Variants in FRMD4A observed in about 807,000 individuals in gnomAD.
FRMD4A encodes FERM domain containing 4A.
FRMD4A carries 29 observed loss-of-function variants against 129.1 expected under a neutral mutation model. The ratio of observed to expected loss-of-function variants is 0.22; its 90% CI spans 0.17 to 0.31. The LOEUF is 0.31. FRMD4A is among the 10% of genes least tolerant of loss of function. FRMD4A has a pLI of 1.00. For missense variants in FRMD4A, 1,272 were observed against 1,375.8 expected (o/e 0.92, Z 1.19); for synonymous variants, 634 against 571.6 (o/e 1.11, Z -1.56).
intron 12 of FRMD4A, among the ~76,000 whole-genome samples, chr10:13,727,099 G>A (rs773884766): frequency 6.6e-5 from 10 of 151,666 alleles, no homozygotes; most frequent in African/African-American, 2.2e-4. Flanking sequence ...ACGGGGCTTC[G>A]CTATGTTGGC....
intron 2 of FRMD4A, among the ~76,000 whole-genome samples, chr10:14,194,406 C>G (rs970044826): frequency 1.3e-5 from 2 of 152,106 alleles, no homozygotes; most frequent in African/African-American, 2.4e-5. Flanking sequence ...GTCAGGAGAT[C>G]GAGACCATCC....
chr10:14,168,477 G>T (rs1392462872), intron 2 of FRMD4A, among the ~76,000 whole-genome samples: 1 of 152,158 alleles, frequency 6.6e-6, no homozygotes, highest in Non-Finnish European at 1.5e-5. Flanking sequence ...CTCTTCAAAG[G>T]AATCTGTTTC....
chr10:13,826,940 A>C (rs915380884), intron 3 of FRMD4A, among the ~76,000 whole-genome samples: 2 of 152,212 alleles, frequency 1.3e-5, no homozygotes, highest in African/African-American at 4.8e-5. Context: ...TCGGGTCCAA[A>C]GAAAACTTGA....
intron 6 of FRMD4A, among the ~76,000 whole-genome samples, chr10:13,764,885 G>A (rs2092224305): frequency 6.6e-6 from 1 of 152,162 alleles, no homozygotes; most frequent in African/African-American, 2.4e-5. Context: ...AAGGGACTTT[G>A]CAAAACCACA....
At chr10:13,833,812 T>A (rs1261426669) in intron 3 of FRMD4A, among the ~76,000 whole-genome samples, 3 of 152,088 alleles carry the variant, frequency 2.0e-5, no homozygotes. Context: ...CATTCCCATA[T>A]TAAAGGTCAC....
At position 14,211,285 on chromosome 10, in the gene FRMD4A, T is replaced by A. The variant is rs573401489; in HGVS notation, c.45+118773A>T. Among the ~76,000 whole-genome samples, 22 of 152,292 alleles carry A rather than the reference T, an allele frequency of 1.4e-4. No homozygotes were observed. The South Asian group carries it at 4.6e-3, about 32-fold the overall frequency. Reference sequence around the variant, plus strand: ...CCCTATGTGGCAGGTACTGTCATAATCCCCAATGAACAGGTAGGAGAAAAC... The same window carrying A: ...CCCTATGTGGCAGGTACTGTCATAAACCCCAATGAACAGGTAGGAGAAAAC... On this transcript the variant is annotated intron_variant, in intron 2 of 24. Coordinates refer to ENST00000357447, the MANE Select transcript of FRMD4A (RefSeq NM_018027.5).
intron 12 of FRMD4A, among the ~76,000 whole-genome samples, chr10:13,711,623 C>A (rs189743510): frequency 1.3e-5 from 2 of 152,322 alleles, no homozygotes; most frequent in Admixed American, 1.3e-4. Flanking sequence ...AATTAAAAAG[C>A]TAAAATACTT....
intron 8 of FRMD4A, among the ~76,000 whole-genome samples, chr10:13,753,026 T>C (rs113946580): frequency 2.1e-4 from 32 of 152,296 alleles, no homozygotes; most frequent in African/African-American, 7.2e-4. Flanking sequence ...TTCGTAAACA[T>C]TGAGACCCTA....
At chr10:13,657,803 T>TTA (rs1554826507) in intron 21 of FRMD4A, among the ~76,000 whole-genome samples, 3 of 150,692 alleles carry the variant, frequency 2.0e-5, no homozygotes, top group South Asian at 2.1e-4. Flanking sequence ...TTTTTTTTTT[T>TTA]AAATAATTCT....
intron 2 of FRMD4A, among the ~76,000 whole-genome samples, chr10:14,003,210 G>T (rs2095649101): frequency 6.6e-6 from 1 of 152,208 alleles, no homozygotes; most frequent in Non-Finnish European, 1.5e-5. Flanking sequence ...GCAGGACGGG[G>T]AGAGACGTTT....
intron 3 of FRMD4A, among the ~76,000 whole-genome samples, chr10:13,828,507 T>A (rs1262836289): frequency 6.7e-6 from 1 of 150,288 alleles, no homozygotes; most frequent in East Asian, 2.0e-4. Context: ...ATTGTATATG[T>A]ATACCATGTT....
chr10:13,964,734 C>T (rs879648984), intron 2 of FRMD4A, among the ~76,000 whole-genome samples: 33 of 149,386 alleles, frequency 2.2e-4, no homozygotes, highest in Middle Eastern at 3.5e-3. Flanking sequence ...TGCAATGGCG[C>T]GATCTCAGCT....
chr10:13,810,968 T>A, intron 3 of FRMD4A, 60 bp from the exon 4 acceptor site: 1 of 809,936 alleles, frequency 1.2e-6, no homozygotes, highest in Non-Finnish European at 2.1e-6. Context: ...TCCTAAAATA[T>A]GCAATCTCAG....
rs902178478 is a variant in FRMD4A, at chr10:13,740,404, C to A, written c.614+108G>T. ...CTTGAAAATTAAATGGAAACATACA[C>A]CCCCCACTCCCAGATATGTCTTTGG... is the stretch of plus-strand genomic sequence containing the variant. On this transcript the variant is annotated intron_variant, in intron 10 of 24. Transcript: ENST00000357447. 6 of 869,622 alleles carry A rather than the reference C, an allele frequency of 6.9e-6. No homozygotes were observed. In the South Asian group the frequency reaches 7.0e-5, roughly 10 times the overall value. 53.9% of individuals were successfully genotyped at this position (869,622 alleles called of 1,614,324 possible).
Position 13,836,820 on chromosome 10 carries a change from C to T in FRMD4A, c.111+22027G>A, listed in dbSNP as rs182986764. Among the ~76,000 whole-genome samples the T allele has an allele frequency of 8.8e-3, 1,284 of 146,732 alleles. 12 individuals are homozygous for T. The highest frequency in any genetic ancestry group is 0.014 in the Non-Finnish European group (935 of 67,266). On this transcript the variant is annotated intron_variant, in intron 3 of 24. Transcript: ENST00000357447. Reference sequence around the variant, plus strand: ...TCGCCAAGGCTGGAGTGCAGTGGCACGATCTGGGCTCACTGCAAGCTCTGC... The same window carrying T: ...TCGCCAAGGCTGGAGTGCAGTGGCATGATCTGGGCTCACTGCAAGCTCTGC...
intron 2 of FRMD4A, among the ~76,000 whole-genome samples, chr10:14,153,945 A>G (rs1840469154): frequency 2.0e-5 from 3 of 152,112 alleles, no homozygotes; most frequent in Admixed American, 2.0e-4. Context: ...TCTGCCCTCC[A>G]GTAACCTCCT....
At chr10:13,884,202 ACACACT>A (rs1369089601) in intron 2 of FRMD4A, among the ~76,000 whole-genome samples, 1,501 of 51,762 alleles carry the variant, frequency 0.029, 27 homozygotes, top group African/African-American at 0.082. Context: ...ACACTCACAC[ACACACT>A]CACACACACA....
chr10:14,133,600 C>T (rs545073154), intron 2 of FRMD4A, among the ~76,000 whole-genome samples: 1 of 152,344 alleles, frequency 6.6e-6, no homozygotes, highest in South Asian at 2.1e-4. Flanking sequence ...GGGCTGCCAA[C>T]ACACTCATCC....
chr10:14,188,892 C>T (rs12571286), intron 2 of FRMD4A, among the ~76,000 whole-genome samples: 38,513 of 152,038 alleles, frequency 0.25, 5,056 homozygotes, highest in Admixed American at 0.31. Context: ...GGCAACGGAG[C>T]GAGGTTTTGT....
Sources: allele counts gnomAD v4.1 joint callset (sites outside exome capture counted in the v4.1 genomes callset), GRCh38; gene constraint gnomAD v4.1.1; transcripts MANE v1.5; gene names NCBI Gene and HGNC (gene_info 2026-07-23, HGNC 2026-07-21).